TSPAN9: variants seen among roughly 807,000 people sequenced by gnomAD.
The protein encoded by TSPAN9 is tetraspanin 9.
Under a neutral mutation model 31.0 loss-of-function variants are expected in TSPAN9, and 16 were observed. That is an observed-to-expected ratio of 0.52 (90% confidence interval 0.35 to 0.78). TSPAN9 has a LOEUF of 0.78. Among genes scored for constraint, TSPAN9 ranks in the 30% least tolerant of loss-of-function variants. The pLI is 0.01. For missense variants in TSPAN9, 272 were observed against 312.5 expected, an observed-to-expected ratio of 0.87 and a Z score of 0.98; for synonymous variants, 145 against 121.6, an observed-to-expected ratio of 1.19 and a Z score of -1.27.
chr12:3,226,215 C>T (rs955606262), intron 3 of TSPAN9, among the ~76,000 whole-genome samples: 2 of 152,072 alleles, frequency 1.3e-5, no homozygotes, highest in African/African-American at 2.4e-5. Context: ...GGAAGGCAGA[C>T]ATTTTTTATC....
At chr12:3,140,113 AATC>A (rs1255091285) in intron 2 of TSPAN9, among the ~76,000 whole-genome samples, 3 of 151,402 alleles carry the variant, frequency 2.0e-5, no homozygotes, top group African/African-American at 7.3e-5. Context: ...GGGTGCAAGT[AATC>A]ATCAGATTAC....
chr12:3,198,323 C>T (rs2098368512), intron 2 of TSPAN9, among the ~76,000 whole-genome samples: 1 of 124,274 alleles, frequency 8.0e-6, no homozygotes, highest in African/African-American at 2.9e-5. Context: ...GCACCATCAG[C>T]ACAGGCCACC....
chr12:3,230,642 A>G (rs1393523576), intron 3 of TSPAN9, among the ~76,000 whole-genome samples: 1 of 151,892 alleles, frequency 6.6e-6, no homozygotes, highest in Non-Finnish European at 1.5e-5. Flanking sequence ...GCCCCTGGAG[A>G]CCCTGCCTCA....
At chr12:3,123,636 T>G (rs894433551) in intron 2 of TSPAN9, among the ~76,000 whole-genome samples, 2 of 148,220 alleles carry the variant, frequency 1.3e-5, no homozygotes, top group African/African-American at 2.4e-5. Context: ...TTTTTTTTTT[T>G]TGGGAAAAAT....
In TSPAN9 at chr12:3,209,958, CAA is replaced by C. The variant is rs57719008; in HGVS notation, c.63+8729_63+8730del. On this transcript the variant is annotated intron_variant, in intron 3 of 8. Transcript: ENST00000011898. Reference sequence around the variant, plus strand: ...TGGGCGACAGAGTGAGACTCTGTCCCAAAAAAAAAAAAAAAAAAAAAAAAAAA... The same window carrying C: ...TGGGCGACAGAGTGAGACTCTGTCCCAAAAAAAAAAAAAAAAAAAAAAAAA... Among the ~76,000 whole-genome samples, 133 of 49,762 alleles carry C rather than the reference CAA, an allele frequency of 2.7e-3. 4 individuals are homozygous for C. Among genetic ancestry groups the C allele is most frequent in the African/African-American group, 8.3e-3 (127 of 15,384 alleles). 32.6% of individuals were successfully genotyped at this position (49,762 alleles called of 152,430 possible).
At chr12:3,240,936 A>G (rs368895597) in intron 3 of TSPAN9, among the ~76,000 whole-genome samples, 1 of 152,204 alleles carries the variant, frequency 6.6e-6, no homozygotes. Context: ...TATGCCAACA[A>G]TAGTATGCTA....
At chr12:3,281,412 C>A in intron 7 of TSPAN9, 83 bp downstream of exon 7, 1 of 1,461,032 alleles carries the variant, frequency 6.8e-7, no homozygotes, top group Non-Finnish European at 9.0e-7. Flanking sequence ...GGAGGCTGGG[C>A]CCGGGACACT....
At chr12:3,270,398 A>C (rs964486843) in intron 3 of TSPAN9, among the ~76,000 whole-genome samples, 2 of 152,162 alleles carry the variant, frequency 1.3e-5, no homozygotes, top group Non-Finnish European at 2.9e-5. Flanking sequence ...GGTCCTTGCT[A>C]TCTAGGCATC....
chr12:3,231,092 G>A (rs549459574), intron 3 of TSPAN9, among the ~76,000 whole-genome samples: 6 of 152,160 alleles, frequency 3.9e-5, no homozygotes, highest in Admixed American at 1.3e-4. Flanking sequence ...GGGTGTGTAA[G>A]GATTGTGGTT....
chr12:3,147,070 T>G lies in TSPAN9; in HGVS notation c.-17-54107T>G, dbSNP rs1194988575. On this transcript the variant is annotated intron_variant, in intron 2 of 8. Coordinates refer to ENST00000011898, the MANE Select transcript of TSPAN9 (RefSeq NM_006675.5). This position sits in a 1 kb window ranked among gnomAD's most constrained non-coding sequence, Gnocchi z 4.3. ...CATTGTTGGTACCTTGATTTTAAGG[T>G]GTTTGATTAAAACTAGCATTCTCTC... 6.6e-6 allele frequency among the ~76,000 whole-genome samples: 1 copy of G among 152,124 alleles called. No individual in the cohort carries two copies. Among genetic ancestry groups the G allele is most frequent in the African/African-American group, 2.4e-5 (1 of 41,438 alleles).
chr12:3,220,395 C>A (rs747908297), intron 3 of TSPAN9, among the ~76,000 whole-genome samples: 3 of 152,176 alleles, frequency 2.0e-5, no homozygotes, highest in African/African-American at 7.2e-5. Flanking sequence ...CAGGGTTAGG[C>A]GTGGGTCTAG....
chr12:3,178,337 C>G (rs928048568), intron 2 of TSPAN9, among the ~76,000 whole-genome samples: 1 of 151,144 alleles, frequency 6.6e-6, no homozygotes, highest in Non-Finnish European at 1.5e-5. Context: ...GTTGCCCAGG[C>G]TGGAGTGCAG....
intron 2 of TSPAN9, among the ~76,000 whole-genome samples, chr12:3,114,846 A>C (rs1431906619): frequency 6.6e-6 from 1 of 151,364 alleles, no homozygotes; most frequent in African/African-American, 2.4e-5. Context: ...CCATCTCAAA[A>C]AAAAAAAAAA....
intron 2 of TSPAN9, among the ~76,000 whole-genome samples, chr12:3,199,562 A>T (rs936908653): frequency 2.0e-5 from 3 of 151,568 alleles, no homozygotes. Context: ...CCCCTACATC[A>T]CTCTTGGCAC....
chr12:3,209,234 C>CAA (rs10580349), intron 3 of TSPAN9, among the ~76,000 whole-genome samples: 5 of 139,628 alleles, frequency 3.6e-5, no homozygotes, highest in Admixed American at 1.4e-4. Context: ...GACTCCATCT[C>CAA]AAAAAAAAAA....
chr12:3,150,841 C>T (rs1013225786), intron 2 of TSPAN9: 2 of 152,340 alleles, frequency 1.3e-5, no homozygotes, highest in African/African-American at 4.8e-5. Flanking sequence ...TAACTCAATA[C>T]TCCCTGACAG....
chr12:3,204,387 G>T (rs1342013474), intron 3 of TSPAN9, among the ~76,000 whole-genome samples: 2 of 152,174 alleles, frequency 1.3e-5, no homozygotes, highest in Admixed American at 6.5e-5. Context: ...AGCTTCTAGG[G>T]TACTAGTATT....
chr12:3,165,715 G>T (rs922602222), intron 2 of TSPAN9, among the ~76,000 whole-genome samples: 1 of 152,156 alleles, frequency 6.6e-6, no homozygotes, highest in Non-Finnish European at 1.5e-5. Flanking sequence ...TAGGCAGTCC[G>T]TCTGTGTCTT....
rs891455105 is a variant in TSPAN9 at position 3,285,246 on chromosome 12, G to A, written c.*2130G>A. The A allele has an allele frequency of 2.7e-5, 3 of 111,338 alleles. No homozygotes were observed. The highest frequency in any genetic ancestry group is 3.7e-5 in the African/African-American group (1 of 27,312). 6.9% of individuals were successfully genotyped at this position (111,338 alleles called of 1,614,324 possible). A position where few individuals can be genotyped will look rare whatever the true frequency, so the allele number is the denominator to read the frequency against. The stretch of plus-strand genomic sequence containing the variant: ...CTGCAGTTGCACGGTGGGACCCGGG[G>A]CCTCGTGCGTTTTTTGCTGTGGGTG... On this transcript the variant is annotated 3_prime_UTR_variant, in exon 9 of 9. Coordinates refer to ENST00000011898, the MANE Select transcript of TSPAN9 (RefSeq NM_006675.5).
Sources: gnomAD v4.1 joint callset for allele counts (sites outside exome capture counted in the v4.1 genomes callset) on GRCh38, gnomAD v4.1.1 for gene constraint, Gnocchi (gnomAD v3.1) non-coding constraint, MANE v1.5 for transcripts, NCBI Gene and HGNC (gene_info 2026-07-23, HGNC 2026-07-21) for gene names.